Variants in LNPK observed in about 807,000 individuals in gnomAD.
LNPK encodes lunapark, ER junction formation factor, also known as endoplasmic reticulum junction formation protein lunapark.
A neutral mutation model predicts 55.2 loss-of-function variants in LNPK; 29 were observed. That is an observed-to-expected ratio of 0.53 (90% CI 0.39 to 0.72). LNPK has a LOEUF of 0.72. Ranked by LOEUF, LNPK falls within the 30% of genes least tolerant of loss-of-function variation. LNPK has a pLI of 0.00. For missense variants in LNPK, 467 were observed against 494.8 expected, an observed-to-expected ratio of 0.94 and a Z score of 0.53; for synonymous variants, 162 against 168.2, an observed-to-expected ratio of 0.96 and a Z score of 0.29.
rs150062454 is a variant in LNPK, at chr2:175,958,311, G to T, written c.493+6061C>A. Among the ~76,000 whole-genome samples, 990 of 152,250 alleles carry T rather than the reference G, an allele frequency of 6.5e-3. 18 individuals are homozygous for T. Among genetic ancestry groups the T allele is most frequent in the African/African-American group, 0.023 (949 of 41,548 alleles). ...CTAACTGGGAGACACCTGCCAGTAG[G>T]GGTCGACCGACACCTTATACAGCCG... On this transcript the variant is annotated intron_variant, in intron 8 of 12. Transcript: ENST00000272748.
intron 6 of LNPK, 89 bp downstream of exon 6, chr2:175,970,675 G>T: frequency 1.5e-6 from 1 of 672,256 alleles, no homozygotes; most frequent in African/African-American, 1.9e-5. Flanking sequence ...TTTCTTCCTT[G>T]GAGAGTTATT....
At chr2:175,995,686 C>A in intron 1 of LNPK, 40 bp from the exon 2 acceptor site, 1 of 929,318 alleles carries the variant, frequency 1.1e-6, no homozygotes, top group Non-Finnish European at 1.8e-6. Flanking sequence ...AAGTTAAACA[C>A]ACAGCATACC....
At chr2:175,970,650 C>T (rs1317794956) in intron 6 of LNPK, 114 bp downstream of exon 6, 1 of 499,330 alleles carries the variant, frequency 2.0e-6, no homozygotes, top group Non-Finnish European at 3.0e-6. Context: ...CATTAAAATG[C>T]TATCTAAAAG....
chr2:175,963,919 T>A (rs1054224619), intron 8 of LNPK, among the ~76,000 whole-genome samples: 27 of 152,052 alleles, frequency 1.8e-4, no homozygotes, highest in African/African-American at 6.0e-4. Flanking sequence ...TACACAGCGA[T>A]AATTCAATTT....
At chr2:175,965,104 T>G (rs1686261235) in intron 6 of LNPK, among the ~76,000 whole-genome samples, 1 of 152,212 alleles carries the variant, frequency 6.6e-6, no homozygotes, top group Non-Finnish European at 1.5e-5. Flanking sequence ...ACTCACTAAC[T>G]GGGAGAACAG....
At chr2:175,981,173 G>T (rs558525180) in intron 4 of LNPK, among the ~76,000 whole-genome samples, 14 of 152,140 alleles carry the variant, frequency 9.2e-5, no homozygotes, top group South Asian at 2.1e-4. Context: ...CAACAGCATG[G>T]CAGAAGTGAT....
chr2:175,959,235 T>C (rs1457137332), intron 8 of LNPK, among the ~76,000 whole-genome samples: 1 of 152,108 alleles, frequency 6.6e-6, no homozygotes, highest in Non-Finnish European at 1.5e-5. Flanking sequence ...AGATACTCCT[T>C]GACAAGAGCA....
chr2:175,965,371 G>A (rs997170952), intron 6 of LNPK, among the ~76,000 whole-genome samples: 1 of 152,082 alleles, frequency 6.6e-6, no homozygotes, highest in Non-Finnish European at 1.5e-5. Context: ...TAGCAGTTAC[G>A]GCTAGTTCAA....
intron 8 of LNPK, among the ~76,000 whole-genome samples, chr2:175,956,711 T>C (rs1685712490): frequency 1.3e-5 from 2 of 152,210 alleles, no homozygotes; most frequent in African/African-American, 2.4e-5. Flanking sequence ...CCAACACCTT[T>C]TGACTGTCCA....
rs1271919252 is a variant in LNPK, at chr2:175,947,565, G to T, written c.621C>A (p.Pro207=). 4 of 1,614,026 alleles carry T rather than the reference G, an allele frequency of 2.5e-6. No homozygotes were observed. The highest frequency in any genetic ancestry group is 1.1e-5 in the South Asian group (1 of 91,072). ...GGGCTGGAGTAACAGTCCTTTCTGG[G>T]GGTCCACCAGGGGCAGAACTGTCCT... ...PPKDSSAPGG[P]PERTVTPALS... The change falls in exon 9 of 13, where the codon CCC becomes CCA. Residue 207 remains proline, a synonymous_variant. Transcript: ENST00000272748.
rs1230010284 is a variant in LNPK at position 175,924,148 on chromosome 2, G to A, written c.*5819C>T. The A allele has an allele frequency of 1.3e-5, 2 of 152,106 alleles. No individual in the cohort carries two copies. Among genetic ancestry groups the A allele is most frequent in the African/African-American group, 4.8e-5 (2 of 41,428 alleles). 9.4% of individuals were successfully genotyped at this position (152,106 alleles called of 1,614,324 possible). On this transcript the variant is annotated 3_prime_UTR_variant, in exon 13 of 13. Coordinates refer to ENST00000272748, the MANE Select transcript of LNPK (RefSeq NM_030650.3). ...AATTCCCTTTAATGTCTCTTTAGAA[G>A]TTCATAAACTATATCTAGATCTCTG...
chr2:175,932,040 C>T (rs139490958), intron 12 of LNPK: 2 of 384,374 alleles, frequency 5.2e-6, no homozygotes, highest in Non-Finnish European at 1.0e-5. Flanking sequence ...CCAATAAAGC[C>T]ACAAGAAATG....
rs1014847813 is a variant in LNPK at position 175,929,068 on chromosome 2, T to A, written c.*899A>T. The A allele has an allele frequency of 1.0e-6, 1 of 980,104 alleles. No individual in the cohort carries two copies. Among genetic ancestry groups the A allele is most frequent in the Non-Finnish European group, 1.2e-6 (1 of 824,746 alleles). The allele number at this position is 980,104 out of a possible 1,614,324, so 60.7% of individuals were successfully genotyped here. On this transcript the variant is annotated 3_prime_UTR_variant, in exon 13 of 13. Coordinates refer to ENST00000272748, the MANE Select transcript of LNPK (RefSeq NM_030650.3). ...TCCTAAGATTTTTCAGGTAGCCAAGTCACCCACCAAGATACTGTTTGAAGA... is the reference window on the plus strand; with the variant it reads ...TCCTAAGATTTTTCAGGTAGCCAAGACACCCACCAAGATACTGTTTGAAGA...
At chr2:175,962,948 G>GA (rs1318806373) in intron 8 of LNPK, among the ~76,000 whole-genome samples, 2 of 148,568 alleles carry the variant, frequency 1.3e-5, no homozygotes, top group Non-Finnish European at 1.5e-5. Flanking sequence ...AAAAACACAT[G>GA]AAAAAATGCT....
chr2:175,952,264 A>G (rs1311698115), intron 8 of LNPK, among the ~76,000 whole-genome samples: 3 of 151,844 alleles, frequency 2.0e-5, no homozygotes, highest in African/African-American at 7.3e-5. Context: ...GATTTTAGTA[A>G]TGGGGGTGGG....
chr2:175,969,102 A>T (rs1156835480), intron 6 of LNPK, among the ~76,000 whole-genome samples: 2 of 152,206 alleles, frequency 1.3e-5, no homozygotes, highest in Non-Finnish European at 2.9e-5. Context: ...AAGATCACAA[A>T]CTAGTTCGAG....
chr2:175,962,600 C>T (rs1422441461), intron 8 of LNPK, among the ~76,000 whole-genome samples: 3 of 152,120 alleles, frequency 2.0e-5, no homozygotes, highest in Admixed American at 6.5e-5. Flanking sequence ...CCATAAAAAA[C>T]CTAGAAGAAA....
chr2:175,975,371 C>G (rs1400884889), intron 5 of LNPK, among the ~76,000 whole-genome samples: 1 of 152,166 alleles, frequency 6.6e-6, no homozygotes, highest in African/African-American at 2.4e-5. Flanking sequence ...ATTTGTATAA[C>G]ACTTCGCAAT....
chr2:175,977,839 A>G (rs1425276483), intron 5 of LNPK, among the ~76,000 whole-genome samples: 1 of 152,208 alleles, frequency 6.6e-6, no homozygotes, highest in Non-Finnish European at 1.5e-5. Flanking sequence ...GGGTTAGGAG[A>G]GGTTTTTTCC....
Sources: allele counts gnomAD v4.1 joint callset (sites outside exome capture counted in the v4.1 genomes callset), GRCh38; gene constraint gnomAD v4.1.1; transcripts MANE v1.5; gene names NCBI Gene and HGNC (gene_info 2026-07-23, HGNC 2026-07-21).